The following MFHAS1 variants were observed in gnomAD, a reference collection of about 807,000 sequenced individuals.
MFHAS1 encodes multifunctional ROCO family signaling regulator 1, also known as malignant fibrous histiocytoma-amplified sequence 1.
MFHAS1 carries 50 observed loss-of-function variants against 70.4 expected under a neutral mutation model. That is an observed-to-expected ratio of 0.71 (90% CI 0.57 to 0.90). MFHAS1 has a LOEUF of 0.90. Ranked by LOEUF, MFHAS1 falls within the 40% of genes least tolerant of loss-of-function variation. The pLI, the probability that MFHAS1 is intolerant of heterozygous loss-of-function variation, is 0.00. For missense variants in MFHAS1, 1,795 were observed against 1,347.6 expected (o/e 1.33, Z -5.20); for synonymous variants, 952 against 620.0 (o/e 1.54, Z -7.96).
chr8:8,875,306 T>C (rs533845958), intron 1 of MFHAS1, among the ~76,000 whole-genome samples: 6 of 152,236 alleles, frequency 3.9e-5, no homozygotes, highest in East Asian at 1.9e-4. Context: ...GCACAAATGG[T>C]TGGATAAACA....
Position 8,859,342 on chromosome 8 carries a change from C to A in MFHAS1, c.2998+30719G>T, listed in dbSNP as rs184401406. On this transcript the variant is annotated intron_variant, in intron 1 of 2. Transcript: ENST00000276282. ...CTGGGTGACAGAGCAAGACTCTGTG[C>A]CCCTCACACCAAAAAAAAAAGTTCA... Among the ~76,000 whole-genome samples the A allele has an allele frequency of 3.8e-3, 575 of 152,166 alleles. 6 individuals carry two copies. Among genetic ancestry groups the A allele is most frequent in the African/African-American group, 0.013 (542 of 41,516 alleles).
chr8:8,876,968 T>C (rs955913289), intron 1 of MFHAS1, among the ~76,000 whole-genome samples: 1 of 149,782 alleles, frequency 6.7e-6, no homozygotes, highest in Non-Finnish European at 1.5e-5. Flanking sequence ...ACTGTCATAG[T>C]GCGGTAAGTG....
chr8:8,818,476 G>A (rs774251249), intron 1 of MFHAS1, among the ~76,000 whole-genome samples: 27 of 152,214 alleles, frequency 1.8e-4, no homozygotes, highest in Admixed American at 6.5e-4. Context: ...GTACTTTCAT[G>A]AAGTCTGAAA....
intron 2 of MFHAS1, among the ~76,000 whole-genome samples, chr8:8,796,639 G>A (rs1281276999): frequency 7.0e-5 from 9 of 129,408 alleles, no homozygotes; most frequent in East Asian, 2.5e-4. Flanking sequence ...AGCCAAGATG[G>A]CGCCACTGCA....
intron 1 of MFHAS1, among the ~76,000 whole-genome samples, chr8:8,889,731 C>T (rs1436075143): frequency 6.6e-6 from 1 of 152,186 alleles, no homozygotes; most frequent in Non-Finnish European, 1.5e-5. Context: ...CGGACACTGT[C>T]CAGAATCTAT....
At position 8,805,739 on chromosome 8, in the gene MFHAS1, C is replaced by A. The variant is rs181175788; in HGVS notation, c.2999-8248G>T. On this transcript the variant is annotated intron_variant, in intron 1 of 2. Coordinates refer to ENST00000276282, the MANE Select transcript of MFHAS1 (RefSeq NM_004225.3). ...TTGAGACAGAGTCTCACTCTGTTGC[C>A]CAGGCTGGAGTGCAGTGGCATGATC... 4.7e-4 allele frequency among the ~76,000 whole-genome samples: 72 copies of A among 151,850 alleles called. 1 individual carries two copies. The highest frequency in any genetic ancestry group is 4.3e-3 in the Admixed American group (66 of 15,250).
intron 1 of MFHAS1, among the ~76,000 whole-genome samples, chr8:8,821,424 T>C (rs778532009): frequency 1.2e-4 from 18 of 152,226 alleles, no homozygotes; most frequent in African/African-American, 2.4e-4. Flanking sequence ...GCATGGAGAA[T>C]AGCATGAAGC....
At chr8:8,880,075 C>G (rs1809455241) in intron 1 of MFHAS1, among the ~76,000 whole-genome samples, 1 of 152,210 alleles carries the variant, frequency 6.6e-6, no homozygotes, top group African/African-American at 2.4e-5. Flanking sequence ...CACATACACC[C>G]TAGAACAGAC....
Position 8,892,045 on chromosome 8 carries a change from G to C in MFHAS1, c.1014C>G (p.Ile338Met), listed in dbSNP as rs375992541. 8 of 1,613,334 alleles carry C rather than the reference G, an allele frequency of 5.0e-6. No homozygotes were observed. Among genetic ancestry groups the C allele is most frequent in the African/African-American group, 2.7e-5 (2 of 74,898 alleles). ...GCTCCTCCAGGCCGGTCAGCTCCAC[G>C]ATGGAGTCCGGCAGGTAGCGGATGC... is the stretch of plus-strand genomic sequence containing the variant. ...NNRIRYLPDS[I>M]VELTGLEELV... The change falls in exon 1 of 3, where the codon ATC becomes ATG. Residue 338 changes from isoleucine to methionine, a missense_variant. Transcript: ENST00000276282. The surrounding 1 kb of genome is among the most constrained non-coding windows in gnomAD (Gnocchi z 4.7).
chr8:8,885,632 C>T (rs1809724061), intron 1 of MFHAS1, among the ~76,000 whole-genome samples: 1 of 152,196 alleles, frequency 6.6e-6, no homozygotes. Context: ...AGAAGGAAAA[C>T]AGCAAAAGGA....
chr8:8,837,414 C>T (rs564985879), intron 1 of MFHAS1, among the ~76,000 whole-genome samples: 5 of 152,104 alleles, frequency 3.3e-5, no homozygotes, highest in Admixed American at 6.6e-5. Flanking sequence ...GCAAGGCGGG[C>T]GGATCACTTG....
At position 8,809,926 on chromosome 8, in the gene MFHAS1, C is replaced by T. The variant is rs763998964; in HGVS notation, c.2999-12435G>A. 5.9e-5 allele frequency among the ~76,000 whole-genome samples: 9 copies of T among 152,228 alleles called. No homozygotes were observed. The South Asian group carries it at 1.7e-3, about 28-fold the overall frequency. On this transcript the variant is annotated intron_variant, in intron 1 of 2. Transcript: ENST00000276282. ...CGGCATAAAAGCATTCAGACGACAA[C>T]GTTCTCTCCCCAACATTCATTTTCC...
chr8:8,857,667 G>A (rs533214363), intron 1 of MFHAS1, among the ~76,000 whole-genome samples: 27 of 152,090 alleles, frequency 1.8e-4, no homozygotes, highest in African/African-American at 5.3e-4. Flanking sequence ...GGCTAAGGCA[G>A]GAGAATCGCT....
intron 1 of MFHAS1, among the ~76,000 whole-genome samples, chr8:8,832,294 G>T (rs184963902): frequency 6.6e-6 from 1 of 152,106 alleles, no homozygotes; most frequent in Non-Finnish European, 1.5e-5. Context: ...CCACCCACTG[G>T]GAGAACATGT....
intron 1 of MFHAS1, among the ~76,000 whole-genome samples, chr8:8,824,205 T>G (rs981117661): frequency 2.0e-5 from 3 of 151,768 alleles, no homozygotes; most frequent in Admixed American, 6.6e-5. Context: ...TAAGGCCACC[T>G]TCTCAGGGGC....
At chr8:8,856,007 A>G (rs1808424809) in intron 1 of MFHAS1, among the ~76,000 whole-genome samples, 2 of 152,208 alleles carry the variant, frequency 1.3e-5, no homozygotes, top group South Asian at 4.1e-4. Flanking sequence ...TTCAATGCCA[A>G]ATAAGCCTCC....
At chr8:8,878,944 T>G (rs1404648191) in intron 1 of MFHAS1, among the ~76,000 whole-genome samples, 1 of 152,234 alleles carries the variant, frequency 6.6e-6, no homozygotes, top group African/African-American at 2.4e-5. Flanking sequence ...TGATATGCAC[T>G]TTAATGGATG....
At chr8:8,816,320 A>G (rs1806744544) in intron 1 of MFHAS1, among the ~76,000 whole-genome samples, 1 of 152,256 alleles carries the variant, frequency 6.6e-6, no homozygotes, top group South Asian at 2.1e-4. Context: ...TCAATTACAA[A>G]CAAACAAAAA....
Position 8,878,896 on chromosome 8 carries a change from C to A in MFHAS1, c.2998+11165G>T, listed in dbSNP as rs141421774. Among the ~76,000 whole-genome samples, 305 of 152,290 alleles carry A rather than the reference C, an allele frequency of 2.0e-3. 2 individuals carry two copies. The highest frequency in any genetic ancestry group is 6.7e-3 in the African/African-American group (278 of 41,556). ...TACAAAAGTACTTCAAAGCATCTCT[C>A]AGCAAAGAAATCCAGCAGTCATATA... On this transcript the variant is annotated intron_variant, in intron 1 of 2. Coordinates refer to ENST00000276282, the MANE Select transcript of MFHAS1 (RefSeq NM_004225.3).
Sources: allele counts gnomAD v4.1 joint callset (sites outside exome capture counted in the v4.1 genomes callset), GRCh38; gene constraint gnomAD v4.1.1; non-coding constraint Gnocchi (gnomAD v3.1); transcripts MANE v1.5; gene names NCBI Gene and HGNC (gene_info 2026-07-23, HGNC 2026-07-21).